OTOG: variants seen among roughly 807,000 people sequenced by gnomAD.
The protein encoded by OTOG is otogelin.
A neutral mutation model predicts 313.8 loss-of-function variants in OTOG; 296 were observed. The observed-to-expected ratio is 0.94, with a 90% CI of 0.86 to 1.04. The LOEUF (loss-of-function observed/expected upper bound fraction) is 1.04. Among genes scored for constraint, OTOG ranks in the 50% least tolerant of loss-of-function variants. The pLI, the probability that OTOG is intolerant of heterozygous loss-of-function variation, is 0.00. For missense variants in OTOG, 3,948 were observed against 3,840.1 expected (o/e 1.03, Z -0.74); for synonymous variants, 1,533 against 1,554.9 (o/e 0.99, Z 0.33).
chr11:17,611,842 G>A (rs1434516439), intron 36 of OTOG, among the ~76,000 whole-genome samples: 1 of 152,106 alleles, frequency 6.6e-6, no homozygotes, highest in African/African-American at 2.4e-5. Flanking sequence ...GTGTTTGTGT[G>A]TATAGGCTTG....
intron 15 of OTOG, among the ~76,000 whole-genome samples, chr11:17,563,308 C>T (rs991968399): frequency 6.6e-6 from 1 of 152,230 alleles, no homozygotes; most frequent in Non-Finnish European, 1.5e-5. Context: ...AGGGCAGCTG[C>T]CCCACAGTCC....
intron 11 of OTOG, 70 bp downstream of exon 11, chr11:17,559,231 A>G: frequency 8.4e-7 from 1 of 1,187,748 alleles, no homozygotes; most frequent in South Asian, 1.5e-5. Flanking sequence ...CCTCAGCTCA[A>G]TGTCTTGTCC....
At chr11:17,623,644 T>A (rs1484640807) in intron 39 of OTOG, among the ~76,000 whole-genome samples, 1 of 152,192 alleles carries the variant, frequency 6.6e-6, no homozygotes, top group Non-Finnish European at 1.5e-5. Flanking sequence ...ATAATTTATA[T>A]TCCTCTGGGT....
chr11:17,623,751 T>A (rs1426006877), intron 39 of OTOG, among the ~76,000 whole-genome samples: 2 of 152,244 alleles, frequency 1.3e-5, no homozygotes, highest in Non-Finnish European at 2.9e-5. Context: ...TGAACTAATT[T>A]ATACTCTCAC....
intron 39 of OTOG, among the ~76,000 whole-genome samples, chr11:17,619,727 A>G (rs907567470): frequency 6.6e-6 from 1 of 152,166 alleles, no homozygotes; most frequent in Non-Finnish European, 1.5e-5. Flanking sequence ...TACTTCTATA[A>G]TTATTATAAA....
chr11:17,600,107 T>C (rs934261441), intron 31 of OTOG, among the ~76,000 whole-genome samples: 1 of 152,370 alleles, frequency 6.6e-6, no homozygotes, highest in Non-Finnish European at 1.5e-5. Flanking sequence ...TTTCTGACTA[T>C]GGGTGGAACA....
At chr11:17,612,024 G>T (rs1258830878) in intron 36 of OTOG, 138 bp from the exon 37 acceptor site, 9 of 1,042,850 alleles carry the variant, frequency 8.6e-6, no homozygotes, top group African/African-American at 1.6e-5. Flanking sequence ...TGGTGGGTAG[G>T]GGGTGAGGGC....
chr11:17,605,921 C>T lies in OTOG; in HGVS notation c.3942C>T (p.Asn1314=), dbSNP rs201677197. Residue 1314 remains asparagine, a synonymous_variant, in exon 33 of 56, where the codon AAC becomes AAT. Transcript: ENST00000399397. The part of the protein sequence containing the change: ...RPNFFLHVTA[N]GSLELAKWQG... ...ACTTCTTCCTTCACGTCACAGCCAA[C>T]GGGTCTCTGGAGCTGGCTAAGTGGC... 4.3e-5 allele frequency: 67 copies of T among 1,550,420 alleles called. No homozygotes were observed. The highest frequency in any genetic ancestry group is 5.5e-5 in the African/African-American group (4 of 73,052).
In OTOG at chr11:17,640,970, T is replaced by C; in HGVS notation, c.8069T>C (p.Val2690Ala). The C allele has an allele frequency of 6.5e-7, 1 of 1,548,542 alleles. No homozygotes were observed. Among genetic ancestry groups the C allele is most frequent in the Non-Finnish European group, 8.7e-7 (1 of 1,146,972 alleles). ...ELGVMQPGQT[V>A]VELSADGVCH... ...GGTGTGATGCAGCCCGGCCAGACAGTGGTGGAGCTCTCAGCAGATGGCGTG... is the reference window on the plus strand; with the variant it reads ...GGTGTGATGCAGCCCGGCCAGACAGCGGTGGAGCTCTCAGCAGATGGCGTG... The change falls in exon 51 of 56, where the codon GTG (valine) becomes GCG (alanine). Residue 2690 changes from valine to alanine, a missense_variant. Transcript: ENST00000399397.
rs79945320 is a variant in OTOG at position 17,604,696 on chromosome 11, A to T, written c.3878-1161A>T. On this transcript the variant is annotated intron_variant, in intron 32 of 55. Coordinates refer to ENST00000399397, the MANE Select transcript of OTOG (RefSeq NM_001292063.2). ...AAGAATTTTCATCATTTTGCTCCCTATTGTGGCCTCAGTGCCTAGAACAGG... is the reference window on the plus strand; with the variant it reads ...AAGAATTTTCATCATTTTGCTCCCTTTTGTGGCCTCAGTGCCTAGAACAGG... 3.3e-5 allele frequency among the ~76,000 whole-genome samples: 5 copies of T among 152,366 alleles called. No homozygotes were observed. In the East Asian group the frequency reaches 9.6e-4, roughly 29 times the overall value.
intron 23 of OTOG, among the ~76,000 whole-genome samples, chr11:17,585,855 G>A (rs545762146): frequency 1.3e-5 from 2 of 152,280 alleles, no homozygotes; most frequent in East Asian, 1.9e-4. Flanking sequence ...AAATAAAATA[G>A]GAAGGTTAAG....
chr11:17,547,938 G>A lies in OTOG; in HGVS notation c.106G>A (p.Val36Ile), dbSNP rs77311172. 7.4e-3 allele frequency: 3,513 copies of A among 472,362 alleles called. 109 individuals carry two copies. The highest frequency in any genetic ancestry group is 0.061 in the African/African-American group (3,084 of 50,840). 29.3% of individuals were successfully genotyped at this position (472,362 alleles called of 1,614,324 possible). A position where few individuals can be genotyped will look rare whatever the true frequency, so the allele number is the denominator to read the frequency against. The stretch of plus-strand genomic sequence containing the variant: ...ATCCCCCTCCCCAGCCGCAGCACCC[G>A]TTCTGTGGGGCAGTGCAGAGCCACA... ...LRVQRLAAAPVLWGSAEPQPE... is the reference protein window; with the variant it reads ...LRVQRLAAAPILWGSAEPQPE... Residue 36 changes from valine to isoleucine, a missense_variant, in exon 2 of 56, where the codon GTT becomes ATT. Val to Ile is a conservative substitution (Grantham distance 29). Coordinates refer to ENST00000399397, the MANE Select transcript of OTOG (RefSeq NM_001292063.2).
At chr11:17,622,003 C>T (rs1447762416) in intron 39 of OTOG, among the ~76,000 whole-genome samples, 1 of 152,140 alleles carries the variant, frequency 6.6e-6, no homozygotes, top group Non-Finnish European at 1.5e-5. Flanking sequence ...AGGCGAGGCT[C>T]CTCTCTGGGC....
At chr11:17,581,208 CAG>C (rs1385593407) in intron 23 of OTOG, among the ~76,000 whole-genome samples, 3 of 152,256 alleles carry the variant, frequency 2.0e-5, no homozygotes, top group Non-Finnish European at 4.4e-5. Flanking sequence ...GGGAGGGAGA[CAG>C]GAGGTTGGGT....
At chr11:17,593,509 T>C in intron 26 of OTOG, 101 bp from the exon 27 acceptor site, 2 of 1,479,682 alleles carry the variant, frequency 1.4e-6, no homozygotes, top group South Asian at 1.3e-5. Flanking sequence ...TGTCAGGGTA[T>C]GAGGGAGGCA....
chr11:17,555,269 G>A (rs1319129369), intron 6 of OTOG, among the ~76,000 whole-genome samples: 1 of 152,096 alleles, frequency 6.6e-6, no homozygotes, highest in East Asian at 1.9e-4. Flanking sequence ...GTGCCGATGG[G>A]TGTAGGGGAA....
At chr11:17,571,382 A>G (rs1347969251) in intron 17 of OTOG, among the ~76,000 whole-genome samples, 1 of 152,178 alleles carries the variant, frequency 6.6e-6, no homozygotes, top group Non-Finnish European at 1.5e-5. Flanking sequence ...GGTGGGTGCC[A>G]GGCAGAACCT....
At chr11:17,643,596 C>T (rs900379607) in intron 54 of OTOG, 90 bp downstream of exon 54, 26 of 982,446 alleles carry the variant, frequency 2.6e-5, no homozygotes, top group Non-Finnish European at 3.3e-5. Flanking sequence ...GGTTCCTGGC[C>T]TGGCACCTAA....
chr11:17,584,419 AT>A (rs1393721681), intron 23 of OTOG, among the ~76,000 whole-genome samples: 2 of 152,036 alleles, frequency 1.3e-5, no homozygotes, highest in Non-Finnish European at 2.9e-5. Context: ...TAATTCTAAC[AT>A]TTGCTGTAGT....
Sources: allele counts gnomAD v4.1 joint callset (sites outside exome capture counted in the v4.1 genomes callset), GRCh38; gene constraint gnomAD v4.1.1; transcripts MANE v1.5; gene names NCBI Gene and HGNC (gene_info 2026-07-23, HGNC 2026-07-21).